The following ELMO1 variants were observed in gnomAD, a reference collection of about 807,000 sequenced individuals.
ELMO1 encodes engulfment and cell motility protein 1.
A neutral mutation model predicts 98.9 loss-of-function variants in ELMO1; 26 were observed. That is an observed-to-expected ratio of 0.26 (90% CI 0.19 to 0.36). The LOEUF is 0.36. ELMO1 is among the 10% of genes least tolerant of loss of function. ELMO1 has a pLI of 1.00. For synonymous variants in ELMO1, 346 were observed against 346.0 expected, an observed-to-expected ratio of 1.00 and a Z score of 0.00; for missense variants, 627 against 935.2, an observed-to-expected ratio of 0.67 and a Z score of 4.30.
intron 5 of ELMO1, chr7:37,269,859 G>A (rs1318896553): frequency 6.6e-6 from 1 of 152,164 alleles, no homozygotes; most frequent in Non-Finnish European, 1.5e-5. Context: ...CTGATGACAA[G>A]TCACGCTAAG....
chr7:37,240,507 T>C (rs187136437), intron 7 of ELMO1, among the ~76,000 whole-genome samples: 12 of 152,298 alleles, frequency 7.9e-5, no homozygotes, highest in Admixed American at 7.2e-4. Flanking sequence ...GTTAGTATTC[T>C]TATTATTCTT....
At chr7:37,249,508 C>T (rs1029914239) in intron 6 of ELMO1, among the ~76,000 whole-genome samples, 3 of 152,164 alleles carry the variant, frequency 2.0e-5, no homozygotes, top group Non-Finnish European at 4.4e-5. Context: ...AATAAAACAG[C>T]ACTTATAAAT....
chr7:37,018,515 C>T (rs1456929507), intron 15 of ELMO1, among the ~76,000 whole-genome samples: 2 of 149,564 alleles, frequency 1.3e-5, no homozygotes, highest in Admixed American at 6.7e-5. Flanking sequence ...CTTGTTTTGT[C>T]GCCCAGGCTG....
chr7:37,251,495 T>C (rs1335404212), intron 6 of ELMO1, among the ~76,000 whole-genome samples: 1 of 152,190 alleles, frequency 6.6e-6, no homozygotes, highest in East Asian at 1.9e-4. Context: ...GAGAGACCTT[T>C]TAAAAGCCCA....
chr7:37,163,345 T>TG (rs58331527), intron 13 of ELMO1, among the ~76,000 whole-genome samples: 5 of 144,920 alleles, frequency 3.5e-5, no homozygotes, highest in Admixed American at 7.0e-5. Context: ...TTCTTTTTTT[T>TG]TTTTTTTATT....
chr7:37,166,020 G>C (rs1308593184), intron 13 of ELMO1, among the ~76,000 whole-genome samples: 1 of 152,184 alleles, frequency 6.6e-6, no homozygotes, highest in African/African-American at 2.4e-5. Flanking sequence ...TTCAGCTCCT[G>C]TTATTGGTCT....
intron 2 of ELMO1, among the ~76,000 whole-genome samples, chr7:37,331,121 G>A (rs1800079798): frequency 6.6e-6 from 1 of 151,520 alleles, no homozygotes; most frequent in African/African-American, 2.4e-5. Context: ...TTTTCAGACT[G>A]TAGTTGGTTG....
intron 16 of ELMO1, among the ~76,000 whole-genome samples, chr7:36,898,503 A>C (rs1339867140): frequency 2.0e-5 from 3 of 152,238 alleles, no homozygotes; most frequent in Admixed American, 1.3e-4. Flanking sequence ...CCCACAAGAC[A>C]TTTGTACTTC....
intron 1 of ELMO1, among the ~76,000 whole-genome samples, chr7:37,441,340 T>C (rs1369969165): frequency 6.6e-6 from 1 of 152,134 alleles, no homozygotes; most frequent in Non-Finnish European, 1.5e-5. Context: ...GGCTGACAGA[T>C]AATTACATAA....
intron 1 of ELMO1, among the ~76,000 whole-genome samples, chr7:37,431,984 C>A (rs62459394): frequency 0.2 from 29,903 of 152,092 alleles, 3,272 homozygotes; most frequent in East Asian, 0.34. Flanking sequence ...CAGCCTCAAG[C>A]GATTCTCCTG....
intron 13 of ELMO1, among the ~76,000 whole-genome samples, chr7:37,186,759 A>T (rs1284210127): frequency 6.6e-6 from 1 of 152,240 alleles, no homozygotes; most frequent in Admixed American, 6.5e-5. Context: ...CCACAATGAG[A>T]TACCACTTCC....
intron 16 of ELMO1, among the ~76,000 whole-genome samples, chr7:36,988,546 T>C (rs959892665): frequency 3.3e-5 from 5 of 152,212 alleles, no homozygotes; most frequent in African/African-American, 1.2e-4. Context: ...AACTGTGATA[T>C]GGAGTATAAA....
intron 14 of ELMO1, among the ~76,000 whole-genome samples, chr7:37,114,663 A>G (rs182520011): frequency 8.2e-4 from 125 of 152,308 alleles, no homozygotes; most frequent in Non-Finnish European, 1.3e-3. Context: ...ATGGAGAAAA[A>G]TATACAAAAT....
intron 1 of ELMO1, among the ~76,000 whole-genome samples, chr7:37,391,006 C>CCCCT (rs1803045435): frequency 1.5e-5 from 2 of 130,154 alleles, no homozygotes; most frequent in African/African-American, 2.9e-5. Flanking sequence ...GGAAAGTAGT[C>CCCCT]CCTTCCTTCC....
At chr7:36,936,968 G>C (rs1786588245) in intron 16 of ELMO1, among the ~76,000 whole-genome samples, 3 of 152,142 alleles carry the variant, frequency 2.0e-5, no homozygotes, top group Admixed American at 2.0e-4. Flanking sequence ...CTCAATTAGG[G>C]GGTTCTCCCA....
chr7:37,432,108 T>C (rs1407784979), intron 1 of ELMO1, among the ~76,000 whole-genome samples: 1 of 152,182 alleles, frequency 6.6e-6, no homozygotes, highest in Non-Finnish European at 1.5e-5. Flanking sequence ...CTCGAACTCT[T>C]GACCTCAGGT....
chr7:36,982,480 A>G (rs1352263054), intron 16 of ELMO1, among the ~76,000 whole-genome samples: 2 of 152,234 alleles, frequency 1.3e-5, no homozygotes, highest in Admixed American at 6.5e-5. Flanking sequence ...AACTTGCATC[A>G]TATTTCCATT....
chr7:37,072,661 A>G (rs1364847562), intron 15 of ELMO1, among the ~76,000 whole-genome samples: 1 of 152,214 alleles, frequency 6.6e-6, no homozygotes, highest in African/African-American at 2.4e-5. Context: ...TCCCCTTATT[A>G]CTTAAAGAGT....
intron 1 of ELMO1, among the ~76,000 whole-genome samples, chr7:37,367,912 C>G (rs528562737): frequency 1.5e-4 from 23 of 152,282 alleles, no homozygotes; most frequent in Middle Eastern, 3.4e-3. Flanking sequence ...ACATCGAAAA[C>G]AATCACGGAT....
Sources: allele counts gnomAD v4.1 joint callset (sites outside exome capture counted in the v4.1 genomes callset), GRCh38; gene constraint gnomAD v4.1.1; transcripts MANE v1.5; gene names NCBI Gene and HGNC (gene_info 2026-07-23, HGNC 2026-07-21).